GLYATL1: variants seen among roughly 807,000 people sequenced by gnomAD.
The protein encoded by GLYATL1 is glycine N-acyltransferase-like protein 1.
In GLYATL1, 15 loss-of-function variants were observed where a neutral mutation model predicts 20.0. That is an observed-to-expected ratio of 0.75 (90% CI 0.50 to 1.15). The LOEUF is 1.15. Among genes scored for constraint, GLYATL1 ranks in the 50% most tolerant of loss-of-function variants. The pLI is 0.00. For synonymous variants in GLYATL1, 151 were observed against 131.5 expected (o/e 1.15, Z -1.01); for missense variants, 380 against 368.5 (o/e 1.03, Z -0.26).
At chr11:58,914,235 C>T (rs1855115707) in intron 1 of GLYATL1, among the ~76,000 whole-genome samples, 1 of 152,330 alleles carries the variant, frequency 6.6e-6, no homozygotes. Context: ...TCCAATTCCA[C>T]ACCTCTGCCA....
chr11:58,948,761 A>G (rs751681816), intron 4 of GLYATL1, among the ~76,000 whole-genome samples: 1 of 152,234 alleles, frequency 6.6e-6, no homozygotes, highest in Non-Finnish European at 1.5e-5. Context: ...CATCAGAACA[A>G]TCTTATGAAG....
Position 58,955,867 on chromosome 11 carries a change from G to A in GLYATL1, c.749G>A (p.Arg250Gln), listed in dbSNP as rs145479301. ...GGCAACATGGCACGAGTGATGGTGC[G>A]ATACATGAAATATCTGCGTCAGAAG... ...RTGNMARVMV[R>Q]YMKYLRQKNI... The change falls in exon 7 of 7, where the codon CGA (arginine) becomes CAA (glutamine). Residue 250 changes from arginine to glutamine, a missense_variant. Physicochemically the swap from Arg to Gln is conservative, Grantham distance 43 (BLOSUM62 1). Coordinates refer to ENST00000532726, the MANE Select transcript of GLYATL1 (RefSeq NM_001389712.2). 70 of 1,614,160 alleles carry A rather than the reference G, an allele frequency of 4.3e-5. 1 individual carries two copies. The highest frequency in any genetic ancestry group is 4.0e-4 in the South Asian group (36 of 91,078).
At chr11:58,920,397 A>G (rs1855279968) in intron 1 of GLYATL1, among the ~76,000 whole-genome samples, 1 of 152,154 alleles carries the variant, frequency 6.6e-6, no homozygotes, top group African/African-American at 2.4e-5. Context: ...CTCTTGTCAG[A>G]GCTGTCAGCT....
chr11:58,954,636 A>C, intron 4 of GLYATL1, 134 bp from the exon 5 acceptor site: 1 of 708,010 alleles, frequency 1.4e-6, no homozygotes, highest in Non-Finnish European at 2.4e-6. Flanking sequence ...TTTATTATCG[A>C]TGTGCCCAAC....
Position 58,914,814 on chromosome 11 carries a change from G to T in GLYATL1, n.264+9153G>T, listed in dbSNP as rs1301061567. Among the ~76,000 whole-genome samples the T allele has an allele frequency of 2.6e-5, 4 of 152,166 alleles. No individual in the cohort carries two copies. In the East Asian group the frequency reaches 5.8e-4, roughly 22 times the overall value. On this transcript the variant is annotated intron_variant and non_coding_transcript_variant, in intron 1 of 2. Coordinates refer to the GLYATL1 transcript ENST00000534674. ...TGGAGAAAAATGCATTATGGGGGTG[G>T]AGGCAAGTCCTGTCCCTACTCTGTC...
chr11:58,911,323 T>C (rs1214362546), downstream of GLYATL1, among the ~76,000 whole-genome samples: 1 of 152,208 alleles, frequency 6.6e-6, no homozygotes, highest in Non-Finnish European at 1.5e-5. Flanking sequence ...TTAATTTTCA[T>C]TTCTCTTGAG....
chr11:58,950,327 TC>T (rs2135247126), intron 4 of GLYATL1, among the ~76,000 whole-genome samples: 1 of 151,946 alleles, frequency 6.6e-6, no homozygotes, highest in South Asian at 2.1e-4. Context: ...AGAGGGATAT[TC>T]ACTGATGATC....
chr11:58,941,509 G>A (rs568726666), intron 1 of GLYATL1, among the ~76,000 whole-genome samples: 1 of 152,232 alleles, frequency 6.6e-6, no homozygotes, highest in South Asian at 2.1e-4. Flanking sequence ...ACATACGTGT[G>A]CATGTGTCTT....
chr11:58,911,424 G>A (rs1385955229), downstream of GLYATL1, among the ~76,000 whole-genome samples: 1 of 152,198 alleles, frequency 6.6e-6, no homozygotes, highest in African/African-American at 2.4e-5. Flanking sequence ...CAAAATGGCT[G>A]TATAATTTTG....
At chr11:58,930,118 A>T (rs929886471) in intron 1 of GLYATL1, among the ~76,000 whole-genome samples, 1 of 152,158 alleles carries the variant, frequency 6.6e-6, no homozygotes, top group Admixed American at 6.5e-5. Flanking sequence ...ATTTTTTTCC[A>T]AAGTCTTTAG....
At chr11:58,923,462 G>C (rs762538139), upstream of GLYATL1, among the ~76,000 whole-genome samples, 1 of 152,168 alleles carries the variant, frequency 6.6e-6, no homozygotes, top group Non-Finnish European at 1.5e-5. Context: ...GAATGGTTGC[G>C]GGAGGGGACC....
chr11:58,948,612 G>A (rs890684500), intron 4 of GLYATL1, among the ~76,000 whole-genome samples: 4 of 152,038 alleles, frequency 2.6e-5, no homozygotes, highest in Non-Finnish European at 5.9e-5. Context: ...CTGTACTGAA[G>A]CCTGGGCAAC....
upstream of GLYATL1, among the ~76,000 whole-genome samples, chr11:58,926,068 C>T (rs1478575999): frequency 3.9e-5 from 6 of 152,160 alleles, no homozygotes; most frequent in South Asian, 8.3e-4. Flanking sequence ...AATGGATACA[C>T]ACACATATCT....
chr11:58,951,949 T>A (rs1169688918), intron 4 of GLYATL1, among the ~76,000 whole-genome samples: 1 of 152,166 alleles, frequency 6.6e-6, no homozygotes, highest in Admixed American at 6.5e-5. Context: ...AATACTGTAA[T>A]CTACAAACAA....
rs1264143430 is a variant in GLYATL1 at position 58,956,264 on chromosome 11, C to T, written c.*237C>T. The T allele has an allele frequency of 2.5e-5, 12 of 486,050 alleles. No homozygotes were observed. Among genetic ancestry groups the T allele is most frequent in the East Asian group, 9.3e-5 (3 of 32,136 alleles). 30.1% of individuals were successfully genotyped at this position (486,050 alleles called of 1,614,324 possible). On this transcript the variant is annotated 3_prime_UTR_variant, in exon 7 of 7. Transcript: ENST00000532726. ...TATGCTTAAGTGTTATAGGGAAAGACGGGGTTACCAGTAAACATGTAACTA... is the reference window on the plus strand; with the variant it reads ...TATGCTTAAGTGTTATAGGGAAAGATGGGGTTACCAGTAAACATGTAACTA...
At chr11:58,916,852 C>A (rs1855185617) in intron 1 of GLYATL1, among the ~76,000 whole-genome samples, 1 of 152,214 alleles carries the variant, frequency 6.6e-6, no homozygotes. Flanking sequence ...AGAGTGGGAG[C>A]AGGCTTGAGA....
Position 58,955,172 on chromosome 11 carries a change from C to T in GLYATL1, c.314-4C>T. ...CAAGATTGCTTTCTTGGCTTTCTTC[C>T]CAGGTCTTCAAGAAAGTTTAGGTGA... On this transcript the variant is annotated splice_region_variant and splice_polypyrimidine_tract_variant and intron_variant, in intron 5 of 6. Coordinates refer to ENST00000532726, the MANE Select transcript of GLYATL1 (RefSeq NM_001389712.2). 1.1e-5 allele frequency: 18 copies of T among 1,611,542 alleles called. No individual in the cohort carries two copies. The highest frequency in any genetic ancestry group is 1.5e-5 in the Non-Finnish European group (18 of 1,178,926).
upstream of GLYATL1, among the ~76,000 whole-genome samples, chr11:58,923,534 A>AT: frequency 6.6e-6 from 1 of 152,168 alleles, no homozygotes; most frequent in African/African-American, 2.4e-5. Flanking sequence ...TGGTGGCATG[A>AT]TTTGCAAAGG....
intron 6 of GLYATL1, 85 bp downstream of exon 6, chr11:58,955,438 AG>A (rs1390530349): frequency 4.3e-6 from 6 of 1,411,512 alleles, no homozygotes; most frequent in Middle Eastern, 1.8e-4. Flanking sequence ...GAATGAAGAG[AG>A]GATGAATTCA....
Sources: gnomAD v4.1 joint callset for allele counts (sites outside exome capture counted in the v4.1 genomes callset) on GRCh38, gnomAD v4.1.1 for gene constraint, MANE v1.5 for transcripts, NCBI Gene and HGNC (gene_info 2026-07-23, HGNC 2026-07-21) for gene names.